The following VEGFC variants were observed in gnomAD, a reference collection of about 807,000 sequenced individuals.
VEGFC encodes vascular endothelial growth factor C.
VEGFC carries 12 observed loss-of-function variants against 46.1 expected under a neutral mutation model. The observed-to-expected ratio is 0.26, with a 90% CI of 0.17 to 0.42. The LOEUF (loss-of-function observed/expected upper bound fraction) is 0.42. VEGFC is among the 10% of genes least tolerant of loss of function. The pLI is 1.00. For missense variants in VEGFC, 488 were observed against 529.4 expected (o/e 0.92, Z 0.77); for synonymous variants, 232 against 195.5 (o/e 1.19, Z -1.56).
chr4:176,719,413 T>C (rs552463391), intron 3 of VEGFC, among the ~76,000 whole-genome samples: 4 of 152,276 alleles, frequency 2.6e-5, no homozygotes, highest in South Asian at 2.1e-4. Flanking sequence ...ATGCAATAAA[T>C]TGAATAAACT....
intron 1 of VEGFC, among the ~76,000 whole-genome samples, chr4:176,731,661 A>G (rs950157194): frequency 6.6e-6 from 1 of 151,922 alleles, no homozygotes; most frequent in African/African-American, 2.4e-5. Context: ...GTGATTCAAG[A>G]CAGGTTGTGA....
intron 1 of VEGFC, among the ~76,000 whole-genome samples, chr4:176,761,363 C>T (rs568061375): frequency 6.6e-6 from 1 of 152,108 alleles, no homozygotes; most frequent in Non-Finnish European, 1.5e-5. Flanking sequence ...TGGTTCATAA[C>T]TATATGCCCA....
chr4:176,743,572 T>C (rs894928885), intron 1 of VEGFC, among the ~76,000 whole-genome samples: 4 of 150,100 alleles, frequency 2.7e-5, no homozygotes, highest in Non-Finnish European at 5.9e-5. Flanking sequence ...AAACAATATA[T>C]TATACCGATA....
chr4:176,760,277 T>TGAAAAA lies in VEGFC; in HGVS notation c.148-30532_148-30531insTTTTTC, dbSNP rs1735506806. Among the ~76,000 whole-genome samples, 20 of 152,298 alleles carry TGAAAAA rather than the reference T, an allele frequency of 1.3e-4. 1 individual carries two copies. The highest frequency in any genetic ancestry group is 1.2e-3 in the Admixed American group (19 of 15,286). On this transcript the variant is annotated intron_variant, in intron 1 of 6. Coordinates refer to ENST00000618562, the MANE Select transcript of VEGFC (RefSeq NM_005429.5). The stretch of plus-strand genomic sequence containing the variant: ...AAATTACCTACAAAGATCTTAAAGT[T>TGAAAAA]CTTCTGTAACTTGAAAAACAATTCA...
Position 176,704,582 on chromosome 4 carries a change from G to A in VEGFC, c.704+6917C>T, listed in dbSNP as rs530198507. Among the ~76,000 whole-genome samples, 6 of 151,942 alleles carry A rather than the reference G, an allele frequency of 3.9e-5. No homozygotes were observed. In the South Asian group the frequency reaches 1.2e-3, roughly 32 times the overall value. On this transcript the variant is annotated intron_variant, in intron 4 of 6. Transcript: ENST00000618562. ...TTTTCTTTCTATCCCCATATCCACT[G>A]CTGTGGCCACCATCTTTATTATTTT...
intron 4 of VEGFC, among the ~76,000 whole-genome samples, chr4:176,694,934 G>A (rs1003793099): frequency 7.0e-6 from 1 of 143,708 alleles, no homozygotes; most frequent in African/African-American, 2.8e-5. Context: ...AAACCAACGA[G>A]AACAAAGACA....
chr4:176,783,224 A>C (rs1307518085), intron 1 of VEGFC, among the ~76,000 whole-genome samples: 1 of 152,234 alleles, frequency 6.6e-6, no homozygotes, highest in Non-Finnish European at 1.5e-5. Context: ...CACACGCTGT[A>C]CTAGTTACCA....
chr4:176,733,505 A>C (rs1735001470), intron 1 of VEGFC, among the ~76,000 whole-genome samples: 1 of 151,994 alleles, frequency 6.6e-6, no homozygotes, highest in Non-Finnish European at 1.5e-5. Context: ...AGCCAGATTC[A>C]AAATGCTACA....
chr4:176,718,162 G>T (rs525124), intron 3 of VEGFC, among the ~76,000 whole-genome samples: 2 of 152,096 alleles, frequency 1.3e-5, no homozygotes, highest in South Asian at 4.1e-4. Context: ...CTTAAAGAAA[G>T]TTCTGATAAC....
At chr4:176,734,063 TC>T (rs748820611) in intron 1 of VEGFC, among the ~76,000 whole-genome samples, 4 of 151,844 alleles carry the variant, frequency 2.6e-5, no homozygotes, top group Admixed American at 2.0e-4. Context: ...ATGTTGAAGA[TC>T]TTGACAAAAC....
At chr4:176,756,112 C>G (rs74481949) in intron 1 of VEGFC, among the ~76,000 whole-genome samples, 1 of 151,810 alleles carries the variant, frequency 6.6e-6, no homozygotes, top group African/African-American at 2.4e-5. Flanking sequence ...ACTGGATAAC[C>G]CTGGGCTTAT....
At chr4:176,712,126 G>A (rs995765641) in intron 3 of VEGFC, among the ~76,000 whole-genome samples, 1 of 151,994 alleles carries the variant, frequency 6.6e-6, no homozygotes, top group Admixed American at 6.6e-5. Flanking sequence ...ATACATAGAC[G>A]TAAGTTACAT....
At chr4:176,734,324 T>C (rs181322292) in intron 1 of VEGFC, among the ~76,000 whole-genome samples, 240 of 151,932 alleles carry the variant, frequency 1.6e-3, no homozygotes, top group African/African-American at 4.4e-3. Context: ...ACATGGTGTT[T>C]GGTTATATTA....
chr4:176,770,707 T>G (rs1735706482), intron 1 of VEGFC, among the ~76,000 whole-genome samples: 1 of 152,158 alleles, frequency 6.6e-6, no homozygotes, highest in South Asian at 2.1e-4. Flanking sequence ...TTTAGCAATA[T>G]ATACTCTCTT....
intron 1 of VEGFC, among the ~76,000 whole-genome samples, chr4:176,767,441 C>T (rs1295928505): frequency 1.3e-5 from 2 of 152,210 alleles, no homozygotes; most frequent in Non-Finnish European, 2.9e-5. Context: ...GAAGTGTGTG[C>T]ACTCTACAGT....
chr4:176,723,573 G>A (rs924914775), intron 3 of VEGFC, among the ~76,000 whole-genome samples: 3 of 149,936 alleles, frequency 2.0e-5, no homozygotes, highest in African/African-American at 7.4e-5. Context: ...TAGGTTTGGG[G>A]GTCCATGTGC....
chr4:176,768,407 G>A (rs1188848785), intron 1 of VEGFC, among the ~76,000 whole-genome samples: 2 of 150,464 alleles, frequency 1.3e-5, no homozygotes, highest in African/African-American at 4.9e-5. Context: ...AACCACCACT[G>A]AGGTAAAATG....
chr4:176,700,603 A>G (rs1469368069), intron 4 of VEGFC, among the ~76,000 whole-genome samples: 1 of 152,112 alleles, frequency 6.6e-6, no homozygotes, highest in Non-Finnish European at 1.5e-5. Flanking sequence ...AGAAGTGGGG[A>G]TGGGGACACA....
intron 3 of VEGFC, among the ~76,000 whole-genome samples, chr4:176,727,371 A>ATCTGTTTGCACTGTTTG (rs2111015702): frequency 6.6e-6 from 1 of 152,292 alleles, no homozygotes; most frequent in East Asian, 1.9e-4. Flanking sequence ...ATTTAATTTT[A>ATCTGTTTGCACTGTTTG]CACTTTGAAT....
Sources: allele counts gnomAD v4.1 joint callset (sites outside exome capture counted in the v4.1 genomes callset), GRCh38; gene constraint gnomAD v4.1.1; transcripts MANE v1.5; gene names NCBI Gene and HGNC (gene_info 2026-07-23, HGNC 2026-07-21).